BIK: variants seen among roughly 807,000 people sequenced by gnomAD.
BIK encodes the protein BCL2 interacting killer.
BIK carries 14 observed loss-of-function variants against 12.1 expected under a neutral mutation model. That is an observed-to-expected ratio of 1.16 (90% CI 0.77 to 1.81). The LOEUF (loss-of-function observed/expected upper bound fraction) is 1.81, where lower values mean the gene tolerates loss of function less well. Ranked by LOEUF, BIK falls within the 40% of genes most tolerant of loss-of-function variation. The probability of loss-of-function intolerance (pLI) is 0.00; values close to 1 mark genes in which losing one functional copy is unlikely to be tolerated. For missense variants in BIK, 215 were observed against 207.9 expected, an observed-to-expected ratio of 1.03 and a Z score of -0.21; for synonymous variants, 86 against 92.3, an observed-to-expected ratio of 0.93 and a Z score of 0.39.
At chr22:43,124,336 T>A (rs1930274532) in intron 2 of BIK, among the ~76,000 whole-genome samples, 153 bp downstream of exon 2, 1 of 152,098 alleles carries the variant, frequency 6.6e-6, no homozygotes, top group South Asian at 2.1e-4. Flanking sequence ...CATGGAGGCT[T>A]CTGCCCTGGG....
Position 43,117,015 on chromosome 22 carries a change from G to T in BIK, c.-8+6212G>T, listed in dbSNP as rs756015506. On this transcript the variant is annotated intron_variant, in intron 1 of 4. Coordinates refer to ENST00000216115, the MANE Select transcript of BIK (RefSeq NM_001197.5). ...TGCAGCTCAGGGTGACTCCCATCTT[G>T]TCACTAGCCAGGTGACCCCTTCATT... is the stretch of plus-strand genomic sequence containing the variant. Among the ~76,000 whole-genome samples, 13 of 152,334 alleles carry T rather than the reference G, an allele frequency of 8.5e-5. No homozygotes were observed. In the East Asian group the frequency reaches 1.5e-3, roughly 18 times the overall value.
intron 2 of BIK, among the ~76,000 whole-genome samples, chr22:43,125,200 G>C (rs1239521896): frequency 6.6e-6 from 1 of 152,174 alleles, no homozygotes; most frequent in Non-Finnish European, 1.5e-5. Context: ...TCTTGGCTTT[G>C]GTGGGCTTTG....
At chr22:43,117,037 C>A (rs1251153409) in intron 1 of BIK, among the ~76,000 whole-genome samples, 1 of 152,220 alleles carries the variant, frequency 6.6e-6, no homozygotes, top group East Asian at 1.9e-4. Context: ...GTGACCCCTT[C>A]ATTCTGGAGC....
intron 2 of BIK, among the ~76,000 whole-genome samples, chr22:43,126,048 A>G (rs1420480002): frequency 3.5e-4 from 49 of 141,064 alleles, no homozygotes; most frequent in African/African-American, 1.3e-3. Flanking sequence ...TTTTTTTTTG[A>G]GACAGAGTCT....
chr22:43,116,464 AT>A (rs34758003), intron 1 of BIK, among the ~76,000 whole-genome samples: 24,684 of 143,278 alleles, frequency 0.17, 2,297 homozygotes, highest in African/African-American at 0.27. Context: ...TATTAAATGC[AT>A]TTTTTTTTTT....
intron 2 of BIK, among the ~76,000 whole-genome samples, chr22:43,125,841 A>G (rs546311391): frequency 1.3e-5 from 2 of 152,314 alleles, no homozygotes; most frequent in South Asian, 2.1e-4. Context: ...TGAGGCATGA[A>G]GAAGGGATCT....
chr22:43,126,170 G>A (rs1355200373), intron 2 of BIK, among the ~76,000 whole-genome samples: 5 of 150,624 alleles, frequency 3.3e-5, no homozygotes, highest in African/African-American at 9.8e-5. Flanking sequence ...GAGTGCAGGC[G>A]TGCACCAGCA....
At chr22:43,116,930 C>A (rs1930126024) in intron 1 of BIK, among the ~76,000 whole-genome samples, 4 of 152,050 alleles carry the variant, frequency 2.6e-5, no homozygotes, top group Admixed American at 6.6e-5. Context: ...ACAGAGAGAC[C>A]CTGTCTCAAA....
At chr22:43,128,350 C>T (rs1047905567) in intron 3 of BIK, 146 bp from the exon 4 acceptor site, 20 of 970,840 alleles carry the variant, frequency 2.1e-5, no homozygotes, top group Non-Finnish European at 2.6e-5. Flanking sequence ...CAGGTGGAGG[C>T]GCCCACGGAA....
intron 1 of BIK, among the ~76,000 whole-genome samples, chr22:43,114,279 T>C (rs887355380): frequency 3.3e-5 from 5 of 151,866 alleles, no homozygotes; most frequent in African/African-American, 1.2e-4. Flanking sequence ...TCCCTGTCAT[T>C]TTGGATATTT....
At chr22:43,116,821 C>A (rs1023489830) in intron 1 of BIK, among the ~76,000 whole-genome samples, 21 of 152,166 alleles carry the variant, frequency 1.4e-4, no homozygotes, top group African/African-American at 5.1e-4. Flanking sequence ...CACCTGTAGT[C>A]CCAGGTACTT....
intron 3 of BIK, among the ~76,000 whole-genome samples, 161 bp from the exon 4 acceptor site, chr22:43,128,335 C>T (rs1370748077): frequency 2.0e-5 from 3 of 152,176 alleles, no homozygotes; most frequent in Admixed American, 2.0e-4. Context: ...ACCACGCGGC[C>T]CCTGCAGGTG....
chr22:43,117,181 T>C (rs1280464541), intron 1 of BIK, among the ~76,000 whole-genome samples: 2 of 151,860 alleles, frequency 1.3e-5, no homozygotes, highest in East Asian at 3.9e-4. Context: ...CGGACGGAGG[T>C]CTCCCAGGCC....
intron 1 of BIK, among the ~76,000 whole-genome samples, chr22:43,115,341 A>G (rs1930090166): frequency 6.6e-6 from 1 of 152,122 alleles, no homozygotes; most frequent in South Asian, 2.1e-4. Context: ...GGCTGGGTGC[A>G]AGTTCATAGG....
In BIK at chr22:43,124,160, T is replaced by C; in HGVS notation, c.138T>C (p.Asp46=). Reference sequence around the variant, plus strand: ...ACCTGGACCCTATGGAGGACTTCGATTCTTTGGAATGCATGGAGGGCAGGT... The same window carrying C: ...ACCTGGACCCTATGGAGGACTTCGACTCTTTGGAATGCATGGAGGGCAGGT... The part of the protein sequence containing the change: ...EEDLDPMEDF[D]SLECMEGSDA... The change falls in exon 2 of 5, where the codon GAT becomes GAC. Residue 46 remains aspartate, a synonymous_variant. Coordinates refer to ENST00000216115, the MANE Select transcript of BIK (RefSeq NM_001197.5). 6.2e-7 allele frequency: 1 copy of C among 1,614,094 alleles called. No individual in the cohort carries two copies. The highest frequency in any genetic ancestry group is 8.5e-7 in the Non-Finnish European group (1 of 1,180,006).
At position 43,129,471 on chromosome 22, in the gene BIK, G is replaced by GTTTTTT; in HGVS notation, c.*171_*176dup. 1 of 1,057,328 alleles carries GTTTTTT rather than the reference G, an allele frequency of 9.5e-7. No homozygotes were observed. Among genetic ancestry groups the GTTTTTT allele is most frequent in the Non-Finnish European group, 1.3e-6 (1 of 792,000 alleles). The allele number at this position is 1,057,328 out of a possible 1,614,324, so 65.5% of individuals were successfully genotyped here. A position where few individuals can be genotyped will look rare whatever the true frequency, so the allele number is the denominator to read the frequency against. On this transcript the variant is annotated 3_prime_UTR_variant, in exon 5 of 5. Transcript: ENST00000216115. Reference sequence around the variant, plus strand: ...CTGAGGTTTTATACTCAGGTTTTTTGTTTTTTTTTTATTCCAGTTTTCGTT... The same window carrying GTTTTTT: ...CTGAGGTTTTATACTCAGGTTTTTTGTTTTTTTTTTTTTTTTATTCCAGTTTTCGTT...
At position 43,128,525 on chromosome 22, in the gene BIK, C is replaced by T. The variant is rs777319617; in HGVS notation, c.290C>T (p.Thr97Ile). Residue 97 changes from threonine (T) to isoleucine (I), a missense_variant, in exon 4 of 5, where the codon ACT becomes ATT. Transcript: ENST00000216115. ...SLGLAFIYDQ[T>I]EDIRDVLRSF... The stretch of plus-strand genomic sequence containing the variant: ...GGTCTGGCTTTCATCTACGACCAGA[C>T]TGAGGACATCAGGGATGTTCTTAGA... The T allele has an allele frequency of 6.2e-7, 1 of 1,613,798 alleles. No homozygotes were observed. Among genetic ancestry groups the T allele is most frequent in the Non-Finnish European group, 8.5e-7 (1 of 1,179,760 alleles).
intron 4 of BIK, among the ~76,000 whole-genome samples, chr22:43,128,934 G>A (rs544898826): frequency 2.0e-5 from 3 of 152,306 alleles, no homozygotes; most frequent in Non-Finnish European, 2.9e-5. Context: ...GTGTCCACTC[G>A]GCACCGCCCA....
rs534612337 is a variant in BIK, at chr22:43,115,458, G to A, written c.-8+4655G>A. Reference sequence around the variant, plus strand: ...CATATTCTTCAGCCTCAGCATTTCAGAACTTGTTTTATTTTTTTTTTGAGA... The same window carrying A: ...CATATTCTTCAGCCTCAGCATTTCAAAACTTGTTTTATTTTTTTTTTGAGA... On this transcript the variant is annotated intron_variant, in intron 1 of 4. Transcript: ENST00000216115. 9.2e-5 allele frequency among the ~76,000 whole-genome samples: 14 copies of A among 152,048 alleles called. No individual in the cohort carries two copies. The South Asian group carries it at 2.9e-3, about 32-fold the overall frequency.
Sources: gnomAD v4.1 joint callset for allele counts (sites outside exome capture counted in the v4.1 genomes callset) on GRCh38, gnomAD v4.1.1 for gene constraint, MANE v1.5 for transcripts, NCBI Gene and HGNC (gene_info 2026-07-23, HGNC 2026-07-21) for gene names.